The following ADAM9 variants were observed in gnomAD, a reference collection of about 807,000 sequenced individuals.
ADAM9 encodes ADAM metallopeptidase domain 9.
ADAM9 carries 54 observed loss-of-function variants against 108.1 expected under a neutral mutation model. The observed-to-expected ratio is 0.50, with a 90% CI of 0.40 to 0.63. The LOEUF is 0.63. Among genes scored for constraint, ADAM9 ranks in the 20% least tolerant of loss-of-function variants. The pLI is 0.00. For missense variants in ADAM9, 830 were observed against 997.7 expected (o/e 0.83, Z 2.26); for synonymous variants, 316 against 336.0 (o/e 0.94, Z 0.65).
intron 15 of ADAM9, among the ~76,000 whole-genome samples, chr8:39,072,136 A>G (rs1325854398): frequency 1.3e-5 from 2 of 152,252 alleles, no homozygotes; most frequent in East Asian, 3.8e-4. Context: ...TCTACAATTA[A>G]CATTTGCTTT....
In ADAM9 at chr8:39,077,358, G is replaced by C; in HGVS notation, c.1828G>C (p.Asp610His). 6.2e-7 allele frequency: 1 copy of C among 1,613,974 alleles called. No homozygotes were observed. The highest frequency in any genetic ancestry group is 8.5e-7 in the Non-Finnish European group (1 of 1,179,904). ...CWGVDFQLGS[D>H]VPDPGMVNEG... ...GGGTGTGGATTTCCAGCTAGGATCA[G>C]ATGTTCCAGATCCTGGGATGGTTAA... is the stretch of plus-strand genomic sequence containing the variant. Residue 610 changes from aspartate to histidine, a missense_variant, in exon 16 of 22, where the codon GAT (aspartate) becomes CAT (histidine). Physicochemically the swap from Asp to His is moderately conservative, Grantham distance 81. Transcript: ENST00000487273.
chr8:39,000,254 A>T (rs1835954456), intron 1 of ADAM9, among the ~76,000 whole-genome samples: 1 of 152,096 alleles, frequency 6.6e-6, no homozygotes, highest in Non-Finnish European at 1.5e-5. Context: ...AGCCTCCCAA[A>T]GCGCTGAGAC....
chr8:39,082,583 T>C, intron 16 of ADAM9, 58 bp from the exon 17 acceptor site: 1 of 1,383,050 alleles, frequency 7.2e-7, no homozygotes, highest in Non-Finnish European at 1.0e-6. Context: ...TTTTTCTGGG[T>C]ACTTTTTAAT....
chr8:39,047,696 A>C (rs10958814), intron 12 of ADAM9, among the ~76,000 whole-genome samples: 120,866 of 151,938 alleles, frequency 0.8, 48,282 homozygotes, highest in East Asian at 0.95. Flanking sequence ...TGTAGCTAAG[A>C]TTGGTTAATA....
chr8:39,022,064 TTGTGTG>T lies in ADAM9; in HGVS notation c.744+379_744+384del, dbSNP rs552684363. Among the ~76,000 whole-genome samples the T allele has an allele frequency of 2.3e-3, 320 of 141,570 alleles. 1 individual carries two copies. The highest frequency in any genetic ancestry group is 7.1e-3 in the African/African-American group (272 of 38,300). 92.9% of individuals were successfully genotyped at this position (141,570 alleles called of 152,430 possible). The stretch of plus-strand genomic sequence containing the variant: ...CCCTGAAAACATGATATGACAATAT[TTGTGTG>T]TGTGTGTGTGTGTGTGTGTGTGTGT... On this transcript the variant is annotated intron_variant, in intron 8 of 21. Coordinates refer to ENST00000487273, the MANE Select transcript of ADAM9 (RefSeq NM_003816.3).
At chr8:39,082,764 A>G (rs765793940) in intron 17 of ADAM9, 43 bp downstream of exon 17, 38 of 1,480,428 alleles carry the variant, frequency 2.6e-5, no homozygotes, top group Non-Finnish European at 3.4e-5. Flanking sequence ...AAGTAGTGCT[A>G]AATAATGAGA....
At chr8:39,066,453 G>A (rs183956176) in intron 14 of ADAM9, among the ~76,000 whole-genome samples, 27 of 152,328 alleles carry the variant, frequency 1.8e-4, no homozygotes, top group Admixed American at 1.2e-3. Flanking sequence ...TCTAAATGGC[G>A]TGAGATGGTA....
Position 39,043,898 on chromosome 8 carries a change from G to A in ADAM9, c.1302+1781G>A, listed in dbSNP as rs191823174. 4.2e-4 allele frequency among the ~76,000 whole-genome samples: 64 copies of A among 152,166 alleles called. 1 individual carries two copies. The highest frequency in any genetic ancestry group is 1.4e-3 in the African/African-American group (60 of 41,518). On this transcript the variant is annotated intron_variant, in intron 12 of 21. Transcript: ENST00000487273. ...GCAGTATTTGACTTTCTGCTTCTGA[G>A]TTACTTCAATTAGGAAAATTAACCC... is the stretch of plus-strand genomic sequence containing the variant.
At chr8:39,032,157 T>A (rs987107665) in intron 11 of ADAM9, among the ~76,000 whole-genome samples, 1 of 152,242 alleles carries the variant, frequency 6.6e-6, no homozygotes, top group East Asian at 1.9e-4. Context: ...AGTCTGTCTG[T>A]TCTCAGAGCT....
chr8:39,098,524 A>G (rs1278053581), intron 20 of ADAM9, among the ~76,000 whole-genome samples: 1 of 152,208 alleles, frequency 6.6e-6, no homozygotes, highest in African/African-American at 2.4e-5. Flanking sequence ...ACTATGCCAA[A>G]TCTACTTAAC....
chr8:39,083,252 C>G (rs1839077669), intron 18 of ADAM9, among the ~76,000 whole-genome samples, 179 bp downstream of exon 18: 1 of 152,196 alleles, frequency 6.6e-6, no homozygotes, highest in Non-Finnish European at 1.5e-5. Flanking sequence ...CTTTCAATTT[C>G]TTGCCTGGAC....
rs1838876519 is a variant in ADAM9 at position 39,077,222 on chromosome 8, T to C, written c.1698-6T>C. 1.2e-6 allele frequency: 2 copies of C among 1,613,768 alleles called. No individual in the cohort carries two copies. Among genetic ancestry groups the C allele is most frequent in the Non-Finnish European group, 1.7e-6 (2 of 1,179,820 alleles). The stretch of plus-strand genomic sequence containing the variant: ...TTTATGTTGCATTATTTCTCTCTCT[T>C]TATAGGAATGCTTTGTGTGGAAAGC... On this transcript the variant is annotated splice_region_variant and splice_polypyrimidine_tract_variant and intron_variant, in intron 15 of 21. Transcript: ENST00000487273.
intron 8 of ADAM9, among the ~76,000 whole-genome samples, chr8:39,022,871 G>A (rs997723176): frequency 5.3e-5 from 8 of 151,822 alleles, no homozygotes; most frequent in Admixed American, 3.9e-4. Flanking sequence ...GCACCACCAC[G>A]CCCAGCTAAT....
intron 19 of ADAM9, 59 bp from the exon 20 acceptor site, chr8:39,091,200 A>G (rs1839342826): frequency 2.0e-6 from 3 of 1,492,584 alleles, no homozygotes; most frequent in Non-Finnish European, 9.3e-7. Context: ...AATGTGTGTA[A>G]TATTTCATGT....
At chr8:39,038,510 C>T (rs553509040) in intron 11 of ADAM9, among the ~76,000 whole-genome samples, 3 of 152,200 alleles carry the variant, frequency 2.0e-5, no homozygotes, top group Admixed American at 6.5e-5. Flanking sequence ...CTCATCACAC[C>T]CACACCCCGT....
intron 1 of ADAM9, among the ~76,000 whole-genome samples, chr8:39,003,200 A>G (rs975111341): frequency 5.9e-5 from 9 of 152,000 alleles, no homozygotes; most frequent in African/African-American, 1.9e-4. Context: ...TAATCTTCCT[A>G]TATTTAGCTT....
chr8:39,036,415 A>G (rs1311720393), intron 11 of ADAM9, among the ~76,000 whole-genome samples: 1 of 152,088 alleles, frequency 6.6e-6, no homozygotes, highest in Non-Finnish European at 1.5e-5. Flanking sequence ...AATGGTGAAA[A>G]TTGTGTTCTG....
chr8:39,102,779 T>G (rs1839740692), intron 21 of ADAM9, among the ~76,000 whole-genome samples: 1 of 152,116 alleles, frequency 6.6e-6, no homozygotes, highest in Admixed American at 6.6e-5. Flanking sequence ...ACTAAAAGAA[T>G]CAATGCAAAT....
chr8:39,026,136 T>C (rs1180653443), intron 10 of ADAM9, among the ~76,000 whole-genome samples: 3 of 152,218 alleles, frequency 2.0e-5, no homozygotes, highest in African/African-American at 7.2e-5. Flanking sequence ...GTGCAGAATG[T>C]CCAGGTTTGT....
Sources: allele counts gnomAD v4.1 joint callset (sites outside exome capture counted in the v4.1 genomes callset), GRCh38; gene constraint gnomAD v4.1.1; transcripts MANE v1.5; gene names NCBI Gene and HGNC (gene_info 2026-07-23, HGNC 2026-07-21).